Variants in SV2C observed in about 807,000 individuals in gnomAD.
SV2C encodes solute carrier family 22 member B3.
In SV2C, 49 loss-of-function variants were observed where a neutral mutation model predicts 79.7. That is an observed-to-expected ratio of 0.61 (90% CI 0.49 to 0.78). The LOEUF (loss-of-function observed/expected upper bound fraction) is 0.78. SV2C is among the 30% of genes least tolerant of loss of function. The pLI is 0.00. For synonymous variants in SV2C, 334 were observed against 333.2 expected (o/e 1.00, Z -0.03); for missense variants, 833 against 912.9 (o/e 0.91, Z 1.13).
At position 76,269,118 on chromosome 5, in the gene SV2C, C is replaced by T. The variant is rs189412340; in HGVS notation, c.914-16044C>T. ...CACTGTTGACATTTTAGGCTGGATA[C>T]TTCTTGTTTGAAGGTGGTGAGCCTG... is the stretch of plus-strand genomic sequence containing the variant. On this transcript the variant is annotated intron_variant, in intron 4 of 12. Coordinates refer to ENST00000502798, the MANE Select transcript of SV2C (RefSeq NM_014979.4). Among the ~76,000 whole-genome samples, 1,022 of 152,256 alleles carry T rather than the reference C, an allele frequency of 6.7e-3. 6 individuals are homozygous for T. The highest frequency in any genetic ancestry group is 0.024 in the Middle Eastern group (7 of 294).
chr5:76,248,898 T>A (rs1746029123), intron 4 of SV2C, among the ~76,000 whole-genome samples: 1 of 152,102 alleles, frequency 6.6e-6, no homozygotes, highest in Non-Finnish European at 1.5e-5. Flanking sequence ...GAATTACACA[T>A]GTGAGCCACC....
chr5:76,121,668 C>T (rs1338687444), intron 1 of SV2C, among the ~76,000 whole-genome samples: 2 of 151,504 alleles, frequency 1.3e-5, no homozygotes, highest in Non-Finnish European at 1.5e-5. Context: ...TGTCAAAGAT[C>T]AGATAGTTGT....
chr5:75,977,215 G>T, the SV2C span, among the ~76,000 whole-genome samples: 12 of 152,132 alleles, frequency 7.9e-5, no homozygotes, highest in Non-Finnish European at 1.8e-4. Flanking sequence ...AGTCCCTTGT[G>T]TTAGATACCT....
chr5:76,095,832 A>G (rs1299672223), intron 1 of SV2C, among the ~76,000 whole-genome samples: 2 of 152,170 alleles, frequency 1.3e-5, no homozygotes, highest in Non-Finnish European at 2.9e-5. Flanking sequence ...TTTGTGGAAA[A>G]TACCAATCCC....
chr5:76,264,251 A>T (rs1241457990), intron 4 of SV2C, among the ~76,000 whole-genome samples: 1 of 151,662 alleles, frequency 6.6e-6, no homozygotes, highest in African/African-American at 2.4e-5. Context: ...TATGCTTCAG[A>T]AAGTTCTCCT....
At chr5:76,078,640 T>C (rs1746925024), upstream of SV2C, 1 of 409,430 alleles carries the variant, frequency 2.4e-6, no homozygotes, top group Non-Finnish European at 4.8e-6. Flanking sequence ...ACCGGAGGCA[T>C]GGCACAGGGA....
chr5:76,353,706 A>G (rs1431701670), exon 13 of SV2C: 2 of 152,212 alleles, frequency 1.3e-5, no homozygotes, highest in African/African-American at 4.8e-5. Flanking sequence ...CCCTCCTCTG[A>G]AATGCTCTCT....
the SV2C span, among the ~76,000 whole-genome samples, chr5:75,950,222 A>G: frequency 1.3e-5 from 2 of 152,054 alleles, no homozygotes; most frequent in South Asian, 2.1e-4. Context: ...TTATGGACCT[A>G]GTGTTTCAAG....
At chr5:76,067,684 T>C in the SV2C span, among the ~76,000 whole-genome samples, 2 of 152,110 alleles carry the variant, frequency 1.3e-5, no homozygotes, top group Non-Finnish European at 2.9e-5. Flanking sequence ...TTTGGAAGAA[T>C]AGATATCTTC....
In SV2C at chr5:76,135,899, G is replaced by A. The variant is rs150940756; in HGVS notation, c.580+3569G>A. Among the ~76,000 whole-genome samples, 541 of 152,278 alleles carry A rather than the reference G, an allele frequency of 3.6e-3. 2 individuals carry two copies. Among genetic ancestry groups the A allele is most frequent in the Non-Finnish European group, 5.4e-3 (370 of 68,016 alleles). ...GCCATTTTCAGCTCAGCCCTACCCC[G>A]ACTCTAGTCCATTAGGGCAGAACAA... On this transcript the variant is annotated intron_variant, in intron 2 of 12. Transcript: ENST00000502798.
Position 76,156,934 on chromosome 5 carries a change from A to G in SV2C, c.580+24604A>G, listed in dbSNP as rs957112771. On this transcript the variant is annotated intron_variant, in intron 2 of 12. Coordinates refer to ENST00000502798, the MANE Select transcript of SV2C (RefSeq NM_014979.4). The stretch of plus-strand genomic sequence containing the variant: ...AAGACACCATTGAGTGCACCAACCT[A>G]TATGTAATGGGAATACTGGAAGGAG... 2.6e-5 allele frequency among the ~76,000 whole-genome samples: 4 copies of G among 152,222 alleles called. No individual in the cohort carries two copies. In the East Asian group the frequency reaches 7.7e-4, roughly 29 times the overall value.
intron 4 of SV2C, among the ~76,000 whole-genome samples, chr5:76,256,788 A>T (rs547981749): frequency 1.3e-5 from 2 of 152,332 alleles, no homozygotes; most frequent in Admixed American, 1.3e-4. Context: ...TATTTTCCTT[A>T]TACAGACCTT....
the SV2C span, among the ~76,000 whole-genome samples, chr5:76,025,448 G>A: frequency 6.6e-6 from 1 of 152,098 alleles, no homozygotes; most frequent in South Asian, 2.1e-4. Flanking sequence ...AGGAAATAAG[G>A]CTTTTAAAAA....
At chr5:76,127,512 T>C (rs1487816895) in intron 1 of SV2C, among the ~76,000 whole-genome samples, 1 of 152,238 alleles carries the variant, frequency 6.6e-6, no homozygotes, top group Non-Finnish European at 1.5e-5. Flanking sequence ...TTCAATCGGC[T>C]ATGTATCCTG....
chr5:76,204,225 C>T (rs1266820393), intron 3 of SV2C, among the ~76,000 whole-genome samples: 1 of 152,152 alleles, frequency 6.6e-6, no homozygotes, highest in African/African-American at 2.4e-5. Flanking sequence ...TGCAATTTGC[C>T]TGACAGTTCA....
Position 76,250,632 on chromosome 5 carries a change from A to C in SV2C, c.914-34530A>C, listed in dbSNP as rs138421405. 3.3e-5 allele frequency among the ~76,000 whole-genome samples: 5 copies of C among 152,348 alleles called. No homozygotes were observed. The East Asian group carries it at 9.6e-4, about 29-fold the overall frequency. ...GGTTCACCCCTGCCCCACTGACAGC[A>C]GCCTATCTGCACTTGATTGAGGTTG... On this transcript the variant is annotated intron_variant, in intron 4 of 12. Transcript: ENST00000502798.
the SV2C span, among the ~76,000 whole-genome samples, chr5:75,851,906 A>G: frequency 1.3e-5 from 2 of 152,086 alleles, no homozygotes. Context: ...TTCATGATCC[A>G]TCCTCCTTGG....
the SV2C span, among the ~76,000 whole-genome samples, chr5:75,850,280 T>C: frequency 6.6e-6 from 1 of 152,230 alleles, no homozygotes; most frequent in East Asian, 1.9e-4. Flanking sequence ...ACAGGTGCCC[T>C]GAATTAAAAT....
At chr5:76,078,848 AT>A, upstream of SV2C, 1 of 582,106 alleles carries the variant, frequency 1.7e-6, no homozygotes, top group South Asian at 1.4e-5. Flanking sequence ...ATCTTTGCCA[AT>A]TTGAGAATTT....
Sources: allele counts gnomAD v4.1 joint callset (sites outside exome capture counted in the v4.1 genomes callset), GRCh38; gene constraint gnomAD v4.1.1; transcripts MANE v1.5; gene names NCBI Gene and HGNC (gene_info 2026-07-23, HGNC 2026-07-21).